TRPV4: variants seen among roughly 807,000 people sequenced by gnomAD.
TRPV4 encodes the protein OSM9-like transient receptor potential channel 4.
TRPV4 carries 58 observed loss-of-function variants against 84.1 expected under a neutral mutation model. The observed-to-expected ratio is 0.69, with a 90% CI of 0.56 to 0.86. TRPV4 has a LOEUF of 0.86. Ranked by LOEUF, TRPV4 falls within the 40% of genes least tolerant of loss-of-function variation. The pLI is 0.00. For missense variants in TRPV4, 879 were observed against 1,181.1 expected (o/e 0.74, Z 3.75); for synonymous variants, 489 against 500.9 (o/e 0.98, Z 0.32).
chr12:109,819,465 G>A (rs1892005677), intron 1 of TRPV4, among the ~76,000 whole-genome samples: 1 of 152,234 alleles, frequency 6.6e-6, no homozygotes, highest in South Asian at 2.1e-4. Context: ...GCTCCCAGCT[G>A]CACCAGGTGT....
intron 2 of TRPV4, among the ~76,000 whole-genome samples, chr12:109,813,840 G>A (rs1012091341): frequency 6.6e-6 from 1 of 152,042 alleles, no homozygotes; most frequent in Admixed American, 6.6e-5. Context: ...ATGGAAGGAT[G>A]ATGGATGAAT....
intron 6 of TRPV4, among the ~76,000 whole-genome samples, chr12:109,797,860 G>A (rs906311640): frequency 1.1e-4 from 16 of 152,218 alleles, no homozygotes; most frequent in African/African-American, 3.4e-4. Context: ...GTGGATCACC[G>A]CATTTGTCAC....
In TRPV4 at chr12:109,796,656, G is replaced by A. The variant is rs1352675295; in HGVS notation, c.1201C>T (p.His401Tyr). 1 of 1,614,136 alleles carries A rather than the reference G, an allele frequency of 6.2e-7. No homozygotes were observed. Residue 401 changes from histidine to tyrosine, a missense_variant, in exon 7 of 16, where the codon CAC becomes TAC. Physicochemically the swap from His to Tyr is moderately conservative, Grantham distance 83. Transcript: ENST00000261740. This position sits in a 1 kb window ranked among gnomAD's most constrained non-coding sequence, Gnocchi z 4.2. ...CAGTCCTTGAACTTGCGGGACAGGT[G>A]CCGTGTGTCCTCATCCGTCACCTCC... ...RREVTDEDTR[H>Y]LSRKFKDWAY...
In TRPV4 at chr12:109,783,563, T is replaced by A; in HGVS notation, c.*58A>T. The A allele has an allele frequency of 1.3e-6, 2 of 1,585,466 alleles. No individual in the cohort carries two copies. The highest frequency in any genetic ancestry group is 1.7e-6 in the Non-Finnish European group (2 of 1,164,368). On this transcript the variant is annotated 3_prime_UTR_variant, in exon 16 of 16. Coordinates refer to ENST00000261740, the MANE Select transcript of TRPV4 (RefSeq NM_021625.5). This position sits in a 1 kb window ranked among gnomAD's most constrained non-coding sequence, Gnocchi z 4.6. ...GGGGGGACACCCCAGAAGGCACTGC[T>A]GAAATGCGGCTGGACTAGAAATGAG...
intron 2 of TRPV4, among the ~76,000 whole-genome samples, chr12:109,813,075 A>G (rs963090324): frequency 2.0e-4 from 31 of 152,280 alleles, no homozygotes; most frequent in African/African-American, 6.5e-4. Flanking sequence ...ACAGACAAGT[A>G]GATTAATGGG....
At chr12:109,788,239 C>T (rs1889815311) in intron 13 of TRPV4, among the ~76,000 whole-genome samples, 161 bp downstream of exon 13, 1 of 152,234 alleles carries the variant, frequency 6.6e-6, no homozygotes, top group Non-Finnish European at 1.5e-5. Context: ...TCTGGGAAGT[C>T]AGCAGCAGCC....
At chr12:109,820,933 T>C (rs1343995285) in intron 1 of TRPV4, among the ~76,000 whole-genome samples, 2 of 152,212 alleles carry the variant, frequency 1.3e-5, no homozygotes, top group Non-Finnish European at 2.9e-5. Flanking sequence ...GCACAACAGA[T>C]GGCTTCTCTC....
chr12:109,822,590 T>C (rs968622029), intron 1 of TRPV4, among the ~76,000 whole-genome samples: 1 of 152,090 alleles, frequency 6.6e-6, no homozygotes, highest in East Asian at 1.9e-4. Context: ...TTAGAACCCA[T>C]GCATCCCCGG....
intron 14 of TRPV4, among the ~76,000 whole-genome samples, chr12:109,785,440 G>A (rs1459680013): frequency 2.0e-5 from 3 of 150,946 alleles, no homozygotes; most frequent in East Asian, 3.9e-4. Context: ...TTGTTTTAAG[G>A]CAGAGTCTTG....
intron 4 of TRPV4, 104 bp from the exon 5 acceptor site, chr12:109,800,862 G>C (rs1419258493): frequency 4.0e-6 from 4 of 990,446 alleles, no homozygotes; most frequent in Non-Finnish European, 6.2e-6. Context: ...GGGGGGTGGG[G>C]GATGCAGGCA....
chr12:109,801,656 C>G (rs761390694), intron 4 of TRPV4, among the ~76,000 whole-genome samples: 10 of 151,982 alleles, frequency 6.6e-5, no homozygotes, highest in African/African-American at 1.2e-4. Flanking sequence ...ATAGTGAGAC[C>G]CTGTCTCTAC....
At position 109,820,514 on chromosome 12, in the gene TRPV4, C is replaced by CTTTTTTTTTTTTTTTTTTTTTTTTTTTT. The variant is rs1186445597; in HGVS notation, c.-31-5688_-31-5687insAAAAAAAAAAAAAAAAAAAAAAAAAAAA. Among the ~76,000 whole-genome samples, 3 of 123,078 alleles carry CTTTTTTTTTTTTTTTTTTTTTTTTTTTT rather than the reference C, an allele frequency of 2.4e-5. 1 individual carries two copies. The highest frequency in any genetic ancestry group is 3.1e-5 in the African/African-American group (1 of 32,520). 80.7% of individuals were successfully genotyped at this position (123,078 alleles called of 152,430 possible). A position where few individuals can be genotyped will look rare whatever the true frequency, so the allele number is the denominator to read the frequency against. On this transcript the variant is annotated intron_variant, in intron 1 of 15. Transcript: ENST00000261740. Reference sequence around the variant, plus strand: ...CTGATCTTCACTTTCTTCAGCTGCCCTATTTTTTTTTTTTTTTTTTTTTTT... The same window carrying CTTTTTTTTTTTTTTTTTTTTTTTTTTTT: ...CTGATCTTCACTTTCTTCAGCTGCCCTTTTTTTTTTTTTTTTTTTTTTTTTTTTTATTTTTTTTTTTTTTTTTTTTTTT...
At chr12:109,825,688 C>T (rs1308077635) in intron 1 of TRPV4, among the ~76,000 whole-genome samples, 1 of 152,164 alleles carries the variant, frequency 6.6e-6, no homozygotes, top group Non-Finnish European at 1.5e-5. Flanking sequence ...AGCTGGGAGA[C>T]TAAGGACCAG....
chr12:109,800,977 G>A (rs1279950892), intron 4 of TRPV4, among the ~76,000 whole-genome samples: 1 of 152,230 alleles, frequency 6.6e-6, no homozygotes, highest in Non-Finnish European at 1.5e-5. Flanking sequence ...CTAGTTTGTG[G>A]AATCCTGAAT....
intron 4 of TRPV4, 84 bp downstream of exon 4, chr12:109,802,907 G>A: frequency 6.8e-7 from 1 of 1,473,888 alleles, no homozygotes; most frequent in Non-Finnish European, 9.4e-7. Context: ...CTTAGGCCCA[G>A]ATCAAAAGTC....
At chr12:109,806,149 G>A (rs773290106) in intron 3 of TRPV4, among the ~76,000 whole-genome samples, 8 of 152,054 alleles carry the variant, frequency 5.3e-5, no homozygotes, top group African/African-American at 1.2e-4. Flanking sequence ...GCCACGTCGC[G>A]TGGCCAGGAA....
At chr12:109,809,409 C>T (rs915975774) in intron 2 of TRPV4, among the ~76,000 whole-genome samples, 1 of 149,540 alleles carries the variant, frequency 6.7e-6, no homozygotes, top group South Asian at 2.2e-4. Context: ...ACTCATCCAT[C>T]CATCCATCCC....
chr12:109,803,060 C>T lies in TRPV4; in HGVS notation c.643G>A (p.Asp215Asn). 1 of 1,614,182 alleles carries T rather than the reference C, an allele frequency of 6.2e-7. No homozygotes were observed. Among genetic ancestry groups the T allele is most frequent in the Non-Finnish European group, 8.5e-7 (1 of 1,180,042 alleles). Reference sequence around the variant, plus strand: ...ATGTTGCCGGTGCGCTCCGCGATGTCCAGCAGCACAGGGATGGTGTCGTTG... The same window carrying T: ...ATGTTGCCGGTGCGCTCCGCGATGTTCAGCAGCACAGGGATGGTGTCGTTG... ...GRNDTIPVLL[D>N]IAERTGNMRE... The change falls in exon 4 of 16, where the codon GAC becomes AAC. Residue 215 changes from aspartate to asparagine, a missense_variant. Physicochemically the swap from Asp to Asn is conservative, Grantham distance 23. This residue lies in a region of TRPV4 where 521 missense variants were observed against 686.6 expected (regional missense o/e 0.76). Coordinates refer to ENST00000261740, the MANE Select transcript of TRPV4 (RefSeq NM_021625.5).
intron 7 of TRPV4, among the ~76,000 whole-genome samples, chr12:109,794,843 C>A (rs1032470178): frequency 1.3e-5 from 2 of 152,104 alleles, no homozygotes; most frequent in South Asian, 4.2e-4. Flanking sequence ...TGTGGTGAAA[C>A]CCTGTCTCCA....
Sources: gnomAD v4.1 joint callset for allele counts (sites outside exome capture counted in the v4.1 genomes callset) on GRCh38, gnomAD v4.1.1 for gene constraint, gnomAD v4.1.1 regional missense constraint, Gnocchi (gnomAD v3.1) non-coding constraint, MANE v1.5 for transcripts, NCBI Gene and HGNC (gene_info 2026-07-23, HGNC 2026-07-21) for gene names.